Variants in PCSK6 observed in about 807,000 individuals in gnomAD.
PCSK6 encodes paired basic amino acid cleaving enzyme 4.
In PCSK6, 85 loss-of-function variants were observed where a neutral mutation model predicts 123.3. That is an observed-to-expected ratio of 0.69 (90% CI 0.58 to 0.83). The LOEUF (loss-of-function observed/expected upper bound fraction) is 0.83, where lower values mean the gene tolerates loss of function less well. Ranked by LOEUF, PCSK6 falls within the 40% of genes least tolerant of loss-of-function variation. PCSK6 has a pLI of 0.00. For synonymous variants in PCSK6, 508 were observed against 516.0 expected (o/e 0.98, Z 0.21); for missense variants, 1,191 against 1,282.3 (o/e 0.93, Z 1.09).
intron 1 of PCSK6, among the ~76,000 whole-genome samples, chr15:101,487,304 C>T (rs894882810): frequency 3.3e-5 from 5 of 152,210 alleles, no homozygotes; most frequent in South Asian, 2.1e-4. Context: ...CCTGAGTGAC[C>T]GGGCTGCGTG....
At position 101,379,676 on chromosome 15, in the gene PCSK6, C is replaced by T. The variant is rs28645975; in HGVS notation, c.1532+2416G>A. Among the ~76,000 whole-genome samples the T allele has an allele frequency of 6.9e-3, 1,051 of 152,306 alleles. 10 individuals carry two copies. Among genetic ancestry groups the T allele is most frequent in the African/African-American group, 0.024 (997 of 41,548 alleles). On this transcript the variant is annotated intron_variant, in intron 11 of 21. Coordinates refer to ENST00000611716, the MANE Select transcript of PCSK6 (RefSeq NM_002570.5). ...GAGAGTAGACAGCTGGACCCACAAA[C>T]GTGCACGGAGAGGGGGCAGTTAGAA...
At chr15:101,387,479 A>G (rs1388211459) in intron 9 of PCSK6, among the ~76,000 whole-genome samples, 1 of 152,258 alleles carries the variant, frequency 6.6e-6, no homozygotes, top group African/African-American at 2.4e-5. Flanking sequence ...TGAGAAAGTT[A>G]GGAACCATTT....
intron 8 of PCSK6, among the ~76,000 whole-genome samples, chr15:101,390,757 C>T (rs1261819512): frequency 6.6e-6 from 1 of 152,230 alleles, no homozygotes; most frequent in African/African-American, 2.4e-5. Flanking sequence ...ACGGCCCTGC[C>T]AGCACCTTGG....
intron 11 of PCSK6, among the ~76,000 whole-genome samples, chr15:101,371,233 T>A (rs965473169): frequency 6.6e-6 from 1 of 152,052 alleles, no homozygotes; most frequent in African/African-American, 2.4e-5. Flanking sequence ...AAAAGATGGG[T>A]TCTTGGGCAG....
intron 1 of PCSK6, among the ~76,000 whole-genome samples, chr15:101,447,344 G>GC (rs1369945723): frequency 6.6e-6 from 1 of 152,180 alleles, no homozygotes; most frequent in Non-Finnish European, 1.5e-5. Context: ...ACACCTGGCT[G>GC]CCCTCTGGCC....
chr15:101,364,732 C>T (rs1406425452), intron 13 of PCSK6: 1 of 430,624 alleles, frequency 2.3e-6, no homozygotes, highest in Admixed American at 3.7e-5. Flanking sequence ...TGGAAATATT[C>T]CCCAAAATGA....
rs576304987 is a variant in PCSK6, at chr15:101,304,953, A to G, written c.*305T>C. On this transcript the variant is annotated 3_prime_UTR_variant, in exon 22 of 22. Coordinates refer to ENST00000611716, the MANE Select transcript of PCSK6 (RefSeq NM_002570.5). The stretch of plus-strand genomic sequence containing the variant: ...CTGCTTTGGTCTTGAAGATTCAGTA[A>G]ACTTATGGTCCCAGAAGCTGCTCCA... 3.4e-4 allele frequency: 110 copies of G among 328,116 alleles called. No homozygotes were observed. The East Asian group carries it at 6.1e-3, about 18-fold the overall frequency. 20.3% of individuals were successfully genotyped at this position (328,116 alleles called of 1,614,324 possible).
At chr15:101,318,242 G>A (rs1227749663) in intron 19 of PCSK6, 77 bp downstream of exon 19, 23 of 1,066,302 alleles carry the variant, frequency 2.2e-5, no homozygotes, top group Non-Finnish European at 2.9e-5. Context: ...CGAAGTCCTA[G>A]GGCTTTCTCG....
chr15:101,476,046 C>T (rs944384824), intron 1 of PCSK6, among the ~76,000 whole-genome samples: 2 of 152,166 alleles, frequency 1.3e-5, no homozygotes, highest in African/African-American at 2.4e-5. Flanking sequence ...TCAGACTATT[C>T]GGGTTCAAAT....
At chr15:101,325,289 G>A (rs28649354) in intron 16 of PCSK6, among the ~76,000 whole-genome samples, 2,129 of 152,302 alleles carry the variant, frequency 0.014, 51 homozygotes, top group African/African-American at 0.049. Flanking sequence ...CTGAGGGTGC[G>A]CATGGTTTCC....
intron 6 of PCSK6, among the ~76,000 whole-genome samples, chr15:101,418,500 GA>G (rs144955495): frequency 0.094 from 13,936 of 148,262 alleles, 818 homozygotes; most frequent in Non-Finnish European, 0.13. Context: ...AAAAATGAAA[GA>G]AAAAGTTTCC....
chr15:101,386,930 T>G (rs1021458447), intron 9 of PCSK6, among the ~76,000 whole-genome samples: 4 of 152,198 alleles, frequency 2.6e-5, no homozygotes, highest in Non-Finnish European at 5.9e-5. Flanking sequence ...GCGGCTGCTC[T>G]GCACACTCCC....
chr15:101,483,345 GCAGGCT>G (rs2057938731), intron 1 of PCSK6, among the ~76,000 whole-genome samples: 2 of 152,212 alleles, frequency 1.3e-5, no homozygotes, highest in Non-Finnish European at 2.9e-5. Context: ...AATGAATCGT[GCAGGCT>G]CACCTGAAAT....
intron 19 of PCSK6, among the ~76,000 whole-genome samples, chr15:101,314,540 T>G (rs1251197770): frequency 1.3e-5 from 2 of 152,194 alleles, no homozygotes; most frequent in Non-Finnish European, 2.9e-5. Context: ...ATGGGGCCTC[T>G]CGCTGCATCA....
intron 6 of PCSK6, among the ~76,000 whole-genome samples, chr15:101,419,759 C>T (rs997709470): frequency 4.6e-5 from 7 of 151,518 alleles, no homozygotes; most frequent in South Asian, 2.1e-4. Flanking sequence ...ACTAAGGAAA[C>T]GTAAGGGCAG....
intron 20 of PCSK6, among the ~76,000 whole-genome samples, chr15:101,311,553 C>G (rs1334108935): frequency 6.6e-6 from 1 of 152,056 alleles, no homozygotes. Flanking sequence ...AACTGTGAGC[C>G]AATTCAACCT....
intron 2 of PCSK6, among the ~76,000 whole-genome samples, chr15:101,432,459 C>CAAAAA (rs56385883): frequency 8.5e-6 from 1 of 117,348 alleles, no homozygotes. Flanking sequence ...CCCACCTCTC[C>CAAAAA]AAAAAAAAAA....
intron 13 of PCSK6, among the ~76,000 whole-genome samples, chr15:101,342,327 C>A (rs904365510): frequency 2.0e-5 from 3 of 151,892 alleles, no homozygotes; most frequent in African/African-American, 7.3e-5. Flanking sequence ...AATATTAATT[C>A]TAAGTAAAGT....
intron 1 of PCSK6, among the ~76,000 whole-genome samples, chr15:101,461,887 C>G (rs1228752207): frequency 6.6e-6 from 1 of 152,186 alleles, no homozygotes; most frequent in Admixed American, 6.5e-5. Context: ...ACCCTGAAAG[C>G]ACTCCCTTTA....
Sources: allele counts gnomAD v4.1 joint callset (sites outside exome capture counted in the v4.1 genomes callset), GRCh38; gene constraint gnomAD v4.1.1; transcripts MANE v1.5; gene names NCBI Gene and HGNC (gene_info 2026-07-23, HGNC 2026-07-21).